DLGAP1: variants seen among roughly 807,000 people sequenced by gnomAD.
DLGAP1 encodes the protein disks large-associated protein 1.
A neutral mutation model predicts 90.8 loss-of-function variants in DLGAP1; 11 were observed. The ratio of observed to expected loss-of-function variants is 0.12; its 90% confidence interval spans 0.08 to 0.20. The LOEUF is 0.20. Among genes scored for constraint, DLGAP1 ranks in the 10% least tolerant of loss-of-function variants. The probability of loss-of-function intolerance (pLI) is 1.00; values close to 1 mark genes in which losing one functional copy is unlikely to be tolerated. For missense variants in DLGAP1, 1,050 were observed against 1,333.8 expected (o/e 0.79, Z 3.31); for synonymous variants, 558 against 540.7 (o/e 1.03, Z -0.44).
At chr18:3,631,669 C>G (rs1220461844) in intron 7 of DLGAP1, among the ~76,000 whole-genome samples, 2 of 152,028 alleles carry the variant, frequency 1.3e-5, no homozygotes, top group African/African-American at 4.8e-5. Flanking sequence ...ATTGCTTGAG[C>G]CTGAGAGGTA....
chr18:4,091,542 A>G (rs1442343876), intron 2 of DLGAP1, among the ~76,000 whole-genome samples: 1 of 152,110 alleles, frequency 6.6e-6, no homozygotes, highest in African/African-American at 2.4e-5. Flanking sequence ...ACAGCTCTTC[A>G]ATACTCTGTT....
At chr18:3,557,943 T>A (rs1382601772) in intron 9 of DLGAP1, among the ~76,000 whole-genome samples, 5 of 150,694 alleles carry the variant, frequency 3.3e-5, no homozygotes, top group African/African-American at 2.5e-5. Flanking sequence ...AAAAAAAAAA[T>A]GGTTAAGATC....
At chr18:3,623,966 T>A (rs913707151) in intron 7 of DLGAP1, among the ~76,000 whole-genome samples, 1 of 151,964 alleles carries the variant, frequency 6.6e-6, no homozygotes, top group Non-Finnish European at 1.5e-5. Flanking sequence ...TTTTCCTCCC[T>A]CCTCCTCGTG....
intron 3 of DLGAP1, among the ~76,000 whole-genome samples, chr18:3,921,625 T>C (rs189273578): frequency 2.0e-4 from 30 of 152,338 alleles, no homozygotes; most frequent in African/African-American, 6.7e-4. Flanking sequence ...TGGAAAGTCA[T>C]GTGTAAATGT....
chr18:3,684,775 G>GA (rs35491987), intron 7 of DLGAP1, among the ~76,000 whole-genome samples: 26 of 151,606 alleles, frequency 1.7e-4, no homozygotes, highest in African/African-American at 5.8e-4. Flanking sequence ...GATGAAACAG[G>GA]AAAAAAAATG....
chr18:3,736,986 C>T (rs1320196714), intron 6 of DLGAP1, among the ~76,000 whole-genome samples: 7 of 148,856 alleles, frequency 4.7e-5, no homozygotes, highest in Admixed American at 2.7e-4. Flanking sequence ...GAGAATACTA[C>T]AAACACCTCT....
intron 4 of DLGAP1, among the ~76,000 whole-genome samples, chr18:3,843,353 A>C (rs1318288225): frequency 6.6e-6 from 1 of 152,180 alleles, no homozygotes; most frequent in Non-Finnish European, 1.5e-5. Flanking sequence ...GCACATTTTC[A>C]CCCTCAAGTT....
intron 2 of DLGAP1, among the ~76,000 whole-genome samples, chr18:4,090,975 A>G (rs536130759): frequency 3.3e-5 from 5 of 152,242 alleles, no homozygotes; most frequent in South Asian, 4.1e-4. Context: ...CCTTATCCTC[A>G]GCAAACTAAC....
intron 9 of DLGAP1, among the ~76,000 whole-genome samples, chr18:3,562,947 G>A (rs1419698351): frequency 6.6e-6 from 1 of 151,970 alleles, no homozygotes; most frequent in Non-Finnish European, 1.5e-5. Context: ...TTCCACCTCA[G>A]CCTACTGAGT....
chr18:3,981,102 G>T (rs1313165380), intron 3 of DLGAP1, among the ~76,000 whole-genome samples: 1 of 152,098 alleles, frequency 6.6e-6, no homozygotes, highest in Non-Finnish European at 1.5e-5. Context: ...AAATGCGAGA[G>T]AATTTAAAAA....
chr18:3,552,538 C>T (rs1334358124), intron 9 of DLGAP1, among the ~76,000 whole-genome samples: 2 of 152,170 alleles, frequency 1.3e-5, no homozygotes, highest in East Asian at 3.9e-4. Context: ...GGGTTCTGTG[C>T]CTTGCTGTCG....
chr18:4,339,415 C>A (rs531391366), intron 1 of DLGAP1, among the ~76,000 whole-genome samples: 55 of 152,272 alleles, frequency 3.6e-4, no homozygotes, highest in African/African-American at 1.3e-3. Flanking sequence ...TGCTGCAAAC[C>A]ACCATGCACA....
intron 11 of DLGAP1, 40 bp downstream of exon 11, chr18:3,508,530 G>T: frequency 1.4e-6 from 2 of 1,466,862 alleles, no homozygotes; most frequent in South Asian, 1.2e-5. Context: ...TTCTTCTCAT[G>T]GCACTAGCAG....
intron 5 of DLGAP1, among the ~76,000 whole-genome samples, chr18:3,744,391 A>C (rs1025638986): frequency 5.3e-5 from 8 of 152,212 alleles, no homozygotes; most frequent in Admixed American, 5.2e-4. Flanking sequence ...TACAAAAAAG[A>C]AACGCATCAA....
intron 1 of DLGAP1, among the ~76,000 whole-genome samples, chr18:4,242,387 C>T (rs1443119503): frequency 1.3e-5 from 2 of 151,994 alleles, no homozygotes; most frequent in African/African-American, 4.8e-5. Flanking sequence ...CCAGTGGGTG[C>T]TAGAAAGTCC....
chr18:3,772,087 CTAAGCCTT>C (rs1399885397), intron 5 of DLGAP1, among the ~76,000 whole-genome samples: 1 of 152,096 alleles, frequency 6.6e-6, no homozygotes, highest in African/African-American at 2.4e-5. Context: ...CAGTTAAAAC[CTAAGCCTT>C]TCTTTCTTTT....
At chr18:4,187,360 AG>A (rs1262896061) in intron 1 of DLGAP1, among the ~76,000 whole-genome samples, 1 of 152,166 alleles carries the variant, frequency 6.6e-6, no homozygotes, top group African/African-American at 2.4e-5. Flanking sequence ...GCTTTTGCCC[AG>A]TGAACGCTCC....
intron 2 of DLGAP1, among the ~76,000 whole-genome samples, chr18:4,137,023 T>C (rs1391501712): frequency 3.9e-5 from 6 of 152,254 alleles, no homozygotes; most frequent in Admixed American, 2.0e-4. Context: ...TAACATTAGG[T>C]ATATCTCCTA....
At chr18:4,278,805 C>T (rs1298367561) in intron 1 of DLGAP1, among the ~76,000 whole-genome samples, 1 of 151,808 alleles carries the variant, frequency 6.6e-6, no homozygotes, top group Admixed American at 6.6e-5. Flanking sequence ...AGACTGATAC[C>T]GTATCTTTGC....
Sources: gnomAD v4.1 joint callset for allele counts (sites outside exome capture counted in the v4.1 genomes callset) on GRCh38, gnomAD v4.1.1 for gene constraint, MANE v1.5 for transcripts, NCBI Gene and HGNC (gene_info 2026-07-23, HGNC 2026-07-21) for gene names.